Variants in PPP2R1B observed in about 807,000 individuals in gnomAD.
PPP2R1B encodes the protein serine/threonine-protein phosphatase 2A 65 kDa regulatory subunit A beta isoform.
A neutral mutation model predicts 72.7 loss-of-function variants in PPP2R1B; 58 were observed. The observed-to-expected ratio is 0.80, with a 90% CI of 0.65 to 0.99. PPP2R1B has a LOEUF of 0.99. Ranked by LOEUF, PPP2R1B falls within the 50% of genes least tolerant of loss-of-function variation. PPP2R1B has a pLI of 0.00. For synonymous variants in PPP2R1B, 256 were observed against 264.6 expected (o/e 0.97, Z 0.32); for missense variants, 695 against 733.6 (o/e 0.95, Z 0.61).
the PPP2R1B span, among the ~76,000 whole-genome samples, chr11:111,714,020 C>A: frequency 1.3e-5 from 2 of 151,942 alleles, no homozygotes; most frequent in African/African-American, 4.8e-5. Context: ...TAAATCAGAA[C>A]GAGGCAGGGG....
intron 10 of PPP2R1B, among the ~76,000 whole-genome samples, chr11:111,749,689 T>C (rs797026677): frequency 4.6e-5 from 7 of 152,270 alleles, no homozygotes; most frequent in African/African-American, 1.7e-4. Context: ...CTATCTGATA[T>C]AAAAATATTT....
Position 111,754,514 on chromosome 11 carries a change from A to G in PPP2R1B, c.1014T>C (p.Ile338=). ...TCAGGTTTACCTTTATATAAGGCAG[A>G]ATTTGATTCATAATTATGGTCTCTC... ...EDRETIIMNQ[I]LPYIKELVSD... Residue 338 remains isoleucine (I), a synonymous_variant, in exon 8 of 15, where the codon ATT becomes ATC. Coordinates refer to ENST00000527614, the MANE Select transcript of PPP2R1B (RefSeq NM_002716.5). 6.2e-7 allele frequency: 1 copy of G among 1,603,774 alleles called. No homozygotes were observed. The highest frequency in any genetic ancestry group is 2.2e-5 in the East Asian group (1 of 44,532).
In PPP2R1B at chr11:111,742,161, T is replaced by A; in HGVS notation, c.1698-17A>T. On this transcript the variant is annotated splice_polypyrimidine_tract_variant and intron_variant, in intron 13 of 14. Transcript: ENST00000527614. ...TGTAAAGCACTGACATTCAAAAGTA[T>A]TATCTGTGAAAGACAGTCTAATGGG... The A allele has an allele frequency of 6.3e-7, 1 of 1,590,738 alleles. No individual in the cohort carries two copies. Among genetic ancestry groups the A allele is most frequent in the Non-Finnish European group, 8.6e-7 (1 of 1,159,252 alleles).
chr11:111,736,504 A>G (rs1476082903), downstream of PPP2R1B, among the ~76,000 whole-genome samples: 1 of 152,162 alleles, frequency 6.6e-6, no homozygotes, highest in Non-Finnish European at 1.5e-5. Context: ...ATGGACTCCA[A>G]GGGCTGGCCA....
chr11:111,699,063 C>T, the PPP2R1B span, among the ~76,000 whole-genome samples: 209 of 152,200 alleles, frequency 1.4e-3, no homozygotes, highest in African/African-American at 4.9e-3. Flanking sequence ...ATATGATGTT[C>T]TAGGAGTGGT....
At chr11:111,742,870 T>C (rs936423745) in intron 12 of PPP2R1B, among the ~76,000 whole-genome samples, 1 of 151,736 alleles carries the variant, frequency 6.6e-6, no homozygotes, top group African/African-American at 2.4e-5. Context: ...TAAAATACTG[T>C]AGTTTTGTTC....
chr11:111,760,438 C>T (rs1555050949), intron 4 of PPP2R1B, among the ~76,000 whole-genome samples: 1 of 152,088 alleles, frequency 6.6e-6, no homozygotes, highest in African/African-American at 2.4e-5. Context: ...CCACCTCAGC[C>T]TCTCAAAGTG....
At chr11:111,747,606 CTAGTG>C (rs758873831) in intron 11 of PPP2R1B, among the ~76,000 whole-genome samples, 29 of 152,272 alleles carry the variant, frequency 1.9e-4, no homozygotes, top group South Asian at 1.7e-3. Context: ...TCCATACAAC[CTAGTG>C]TATAGCTGCT....
In PPP2R1B at chr11:111,764,871, A is replaced by T. The variant is rs954540819; in HGVS notation, c.240T>A (p.Ala80=). The change falls in exon 3 of 15, where the codon GCT becomes GCA. Residue 80 remains alanine (A), a synonymous_variant. Coordinates refer to ENST00000527614, the MANE Select transcript of PPP2R1B (RefSeq NM_002716.5). ...TGAAATTTCCCAGCTGCTCAGCAAG[A>T]GCTAATAGTACCTCATCTTCATCAT... ...TIYDEDEVLL[A]LAEQLGNFTG... 6.2e-7 allele frequency: 1 copy of T among 1,614,100 alleles called. No individual in the cohort carries two copies. The highest frequency in any genetic ancestry group is 1.3e-5 in the African/African-American group (1 of 75,046).
downstream of PPP2R1B, chr11:111,726,674 A>G (rs964649796): frequency 1.2e-5 from 5 of 423,706 alleles, no homozygotes; most frequent in Non-Finnish European, 1.7e-5. Flanking sequence ...CTAGTGACCC[A>G]TGGAAGCTTC....
At chr11:111,722,552 T>C (rs1281205813), downstream of PPP2R1B, 1 of 1,006,404 alleles carries the variant, frequency 9.9e-7, no homozygotes, top group Non-Finnish European at 1.5e-6. This position sits in a 1 kb window ranked among gnomAD's most constrained non-coding sequence, Gnocchi z 4.4. Flanking sequence ...CTTCACCCCG[T>C]GTGGATTCTG....
rs367592519 is a variant in PPP2R1B, at chr11:111,744,658, G to A, written c.1400-1128C>T. On this transcript the variant is annotated intron_variant, in intron 11 of 14. Coordinates refer to ENST00000527614, the MANE Select transcript of PPP2R1B (RefSeq NM_002716.5). ...TTCCTTATTCTACTTCTCTCCCCAG[G>A]TGGGCCCAACCTTCCTGGGATGATA... Among the ~76,000 whole-genome samples, 20 of 152,160 alleles carry A rather than the reference G, an allele frequency of 1.3e-4. No homozygotes were observed. In the South Asian group the frequency reaches 4.1e-3, roughly 32 times the overall value.
rs369868537 is a variant in PPP2R1B, at chr11:111,755,356, C to T, written c.782G>A (p.Arg261Gln). ...DLETLVMPTLRQAAEDKSWRV... is the reference protein window; with the variant it reads ...DLETLVMPTLQQAAEDKSWRV... The stretch of plus-strand genomic sequence containing the variant: ...CCAAGATTTATCTTCTGCTGCTTGT[C>T]GAAGTGTAGGCATCACCAAAGTCTC... Residue 261 changes from arginine (R) to glutamine (Q), a missense_variant, in exon 6 of 15, where the codon CGA becomes CAA. By Grantham distance (43) the Arg-to-Gln change is conservative. Coordinates refer to ENST00000527614, the MANE Select transcript of PPP2R1B (RefSeq NM_002716.5). The T allele has an allele frequency of 1.2e-5, 20 of 1,613,598 alleles. No individual in the cohort carries two copies. Among genetic ancestry groups the T allele is most frequent in the African/African-American group, 5.3e-5 (4 of 74,866 alleles).
Position 111,739,559 on chromosome 11 carries a change from C to G in PPP2R1B, c.*2037G>C. 1.0e-6 allele frequency: 1 copy of G among 985,440 alleles called. No homozygotes were observed. Among genetic ancestry groups the G allele is most frequent in the Non-Finnish European group, 1.2e-6 (1 of 829,950 alleles). 61.0% of individuals were successfully genotyped at this position (985,440 alleles called of 1,614,324 possible). A position where few individuals can be genotyped will look rare whatever the true frequency, so the allele number is the denominator to read the frequency against. ...AAGCCAGGGCCCACTCTCCCTCTCT[C>G]AAACAGTTTTAGGGTAGAGAAGTCA... On this transcript the variant is annotated 3_prime_UTR_variant, in exon 15 of 15. Transcript: ENST00000527614.
intron 15 of PPP2R1B, among the ~76,000 whole-genome samples, chr11:111,732,500 G>T (rs922268517): frequency 6.6e-6 from 1 of 152,184 alleles, no homozygotes; most frequent in Admixed American, 6.5e-5. Context: ...AGACCAGCCT[G>T]GCCAACATGG....
In PPP2R1B at chr11:111,759,844, T is replaced by G; in HGVS notation, c.647A>C (p.Glu216Ala). The G allele has an allele frequency of 1.9e-6, 3 of 1,614,062 alleles. No individual in the cohort carries two copies. The highest frequency in any genetic ancestry group is 2.5e-6 in the Non-Finnish European group (3 of 1,179,948). The change falls in exon 5 of 15, where the codon GAA becomes GCA. Residue 216 changes from glutamate to alanine, a missense_variant. By Grantham distance (107) the Glu-to-Ala change is moderately radical. Coordinates refer to ENST00000527614, the MANE Select transcript of PPP2R1B (RefSeq NM_002716.5). Reference sequence around the variant, plus strand: ...TAGACTAGTGAACAGTGGAACAATTTCACTTTTCACACTGTCTAATTCCAA... The same window carrying G: ...TAGACTAGTGAACAGTGGAACAATTGCACTTTTCACACTGTCTAATTCCAA... Reference protein sequence around the residue: ...KVLELDSVKSEIVPLFTSLAS... With the variant: ...KVLELDSVKSAIVPLFTSLAS...
intron 5 of PPP2R1B, 83 bp from the exon 6 acceptor site, chr11:111,755,533 A>T (rs916887908): frequency 7.8e-7 from 1 of 1,289,244 alleles, no homozygotes; most frequent in East Asian, 2.6e-5. Context: ...TGTTTAAAAA[A>T]ATTAACACCA....
the PPP2R1B span, among the ~76,000 whole-genome samples, chr11:111,709,214 C>T: frequency 3.9e-5 from 6 of 152,244 alleles, no homozygotes; most frequent in African/African-American, 9.6e-5. Flanking sequence ...TTTTTCTCTG[C>T]GCAAGTGTGG....
At chr11:111,759,512 A>G (rs1395970212) in intron 5 of PPP2R1B, among the ~76,000 whole-genome samples, 1 of 152,192 alleles carries the variant, frequency 6.6e-6, no homozygotes, top group Admixed American at 6.5e-5. Context: ...GCAATTCCCA[A>G]AGGTATGTTA....
Sources: allele counts gnomAD v4.1 joint callset (sites outside exome capture counted in the v4.1 genomes callset), GRCh38; gene constraint gnomAD v4.1.1; non-coding constraint Gnocchi (gnomAD v3.1); transcripts MANE v1.5; gene names NCBI Gene and HGNC (gene_info 2026-07-23, HGNC 2026-07-21).